Variants in SDCCAG8 observed in about 807,000 individuals in gnomAD.
SDCCAG8 encodes SHH signaling and ciliogenesis regulator SDCCAG8, also known as serologically defined colon cancer antigen 8.
A neutral mutation model predicts 101.8 loss-of-function variants in SDCCAG8; 74 were observed. The observed-to-expected ratio is 0.73, with a 90% CI of 0.60 to 0.88. SDCCAG8 has a LOEUF of 0.88. Among genes scored for constraint, SDCCAG8 ranks in the 40% least tolerant of loss-of-function variants. SDCCAG8 has a pLI of 0.00. For missense variants in SDCCAG8, 787 were observed against 822.6 expected (o/e 0.96, Z 0.53); for synonymous variants, 281 against 292.9 (o/e 0.96, Z 0.41).
Position 243,346,394 on chromosome 1 carries a change from G to A in SDCCAG8, c.1473+2063G>A, listed in dbSNP as rs1381153352. On this transcript the variant is annotated intron_variant, in intron 12 of 17. Coordinates refer to ENST00000366541, the MANE Select transcript of SDCCAG8 (RefSeq NM_006642.5). ...TGTATCTTACAATTCAGCATCACAA[G>A]CAGGCTATCTGTAGGTTTGCAAACA... 2 of 152,862 alleles carry A rather than the reference G, an allele frequency of 1.3e-5. 1 individual carries two copies. The highest frequency in any genetic ancestry group is 3.8e-4 in the East Asian group (2 of 5,202). 9.5% of individuals were successfully genotyped at this position (152,862 alleles called of 1,614,324 possible). A position where few individuals can be genotyped will look rare whatever the true frequency, so the allele number is the denominator to read the frequency against.
intron 16 of SDCCAG8, among the ~76,000 whole-genome samples, chr1:243,478,716 T>C (rs1050121502): frequency 6.6e-6 from 1 of 152,132 alleles, no homozygotes; most frequent in Admixed American, 6.5e-5. Context: ...CCCAGCACTT[T>C]GGGAAGCTGA....
At chr1:243,398,341 G>A (rs1050659675) in intron 13 of SDCCAG8, among the ~76,000 whole-genome samples, 1 of 152,046 alleles carries the variant, frequency 6.6e-6, no homozygotes, top group African/African-American at 2.4e-5. Flanking sequence ...CTCCTGTGCT[G>A]TATATCAAGA....
chr1:243,270,502 C>T (rs759597404), intron 2 of SDCCAG8, among the ~76,000 whole-genome samples: 25 of 152,314 alleles, frequency 1.6e-4, no homozygotes, highest in Non-Finnish European at 7.3e-5. Context: ...CCTGCCTCTT[C>T]GGCTCATCTT....
At chr1:243,396,545 G>C (rs898232607) in intron 13 of SDCCAG8, among the ~76,000 whole-genome samples, 2 of 152,092 alleles carry the variant, frequency 1.3e-5, no homozygotes, top group African/African-American at 4.8e-5. Flanking sequence ...TTCTTAATTG[G>C]AATACTCTCT....
At chr1:243,491,988 G>A (rs1396656463) in intron 17 of SDCCAG8, among the ~76,000 whole-genome samples, 1 of 152,158 alleles carries the variant, frequency 6.6e-6, no homozygotes, top group Non-Finnish European at 1.5e-5. Context: ...CCAAAGCAAA[G>A]TCCACCCCTT....
intron 15 of SDCCAG8, among the ~76,000 whole-genome samples, chr1:243,420,729 C>A (rs1384839827): frequency 3.3e-5 from 5 of 152,176 alleles, no homozygotes; most frequent in Admixed American, 3.3e-4. Context: ...GTGAATAGGA[C>A]AAATTTTGAT....
chr1:243,397,164 A>T (rs1402691867), intron 13 of SDCCAG8, among the ~76,000 whole-genome samples: 1 of 152,206 alleles, frequency 6.6e-6, no homozygotes, highest in Non-Finnish European at 1.5e-5. Flanking sequence ...GGCAGAAAAC[A>T]TTGAAAGGCT....
intron 15 of SDCCAG8, among the ~76,000 whole-genome samples, chr1:243,425,415 G>A (rs1558449741): frequency 6.6e-6 from 1 of 152,056 alleles, no homozygotes; most frequent in Non-Finnish European, 1.5e-5. Context: ...CCTGGTCCTT[G>A]GGATGAACAA....
At chr1:243,431,912 C>A (rs2081801331) in intron 16 of SDCCAG8, among the ~76,000 whole-genome samples, 1 of 152,046 alleles carries the variant, frequency 6.6e-6, no homozygotes, top group Admixed American at 6.6e-5. Flanking sequence ...AAAGTATATC[C>A]ATAAAAACCA....
intron 10 of SDCCAG8, among the ~76,000 whole-genome samples, chr1:243,339,969 C>T (rs1399269680): frequency 6.6e-6 from 1 of 152,128 alleles, no homozygotes; most frequent in Non-Finnish European, 1.5e-5. Flanking sequence ...CATTAAGAGC[C>T]TAGAAGAGTG....
At chr1:243,336,099 A>G (rs951524009) in intron 10 of SDCCAG8, among the ~76,000 whole-genome samples, 3 of 152,242 alleles carry the variant, frequency 2.0e-5, no homozygotes, top group Non-Finnish European at 2.9e-5. Flanking sequence ...TACAATGAAC[A>G]TGTAAGTACA....
In SDCCAG8 at chr1:243,261,388, G is replaced by A. The variant is rs1049978075; in HGVS notation, c.67+5148G>A. The stretch of plus-strand genomic sequence containing the variant: ...GAAATGAGAGTAAGGAGTTGAACCA[G>A]GTACACAGAAAGTGAGAGGATGAAT... On this transcript the variant is annotated intron_variant, in intron 1 of 17. Transcript: ENST00000366541. Among the ~76,000 whole-genome samples, 5 of 152,146 alleles carry A rather than the reference G, an allele frequency of 3.3e-5. No homozygotes were observed. In the South Asian group the frequency reaches 1.0e-3, roughly 31 times the overall value.
chr1:243,466,921 G>A lies in SDCCAG8; in HGVS notation c.1986-22093G>A, dbSNP rs1234843878. 2.0e-5 allele frequency among the ~76,000 whole-genome samples: 3 copies of A among 152,240 alleles called. No individual in the cohort carries two copies. The East Asian group carries it at 5.8e-4, about 29-fold the overall frequency. Reference sequence around the variant, plus strand: ...GATAATTGACAGTGTCTCCCACTGGGGAACCAGGTCTCACTCTGGGTGGAG... The same window carrying A: ...GATAATTGACAGTGTCTCCCACTGGAGAACCAGGTCTCACTCTGGGTGGAG... On this transcript the variant is annotated intron_variant, in intron 16 of 17. Transcript: ENST00000366541.
intron 16 of SDCCAG8, among the ~76,000 whole-genome samples, chr1:243,484,459 ATAAT>A (rs1191541391): frequency 2.6e-5 from 4 of 152,242 alleles, no homozygotes; most frequent in South Asian, 4.1e-4. Flanking sequence ...AAGTGGCATA[ATAAT>A]TAGTTCCTGC....
chr1:243,304,866 C>A, intron 7 of SDCCAG8, 89 bp downstream of exon 7: 1 of 831,398 alleles, frequency 1.2e-6, no homozygotes, highest in South Asian at 1.5e-5. Context: ...TAGTTTTAGT[C>A]ATTATCAGAC....
At chr1:243,296,587 G>T (rs368483192) in intron 6 of SDCCAG8, among the ~76,000 whole-genome samples, 7 of 114,738 alleles carry the variant, frequency 6.1e-5, no homozygotes, top group African/African-American at 2.4e-4. Flanking sequence ...CTGTCGCCCA[G>T]GCGGGAGTGC....
At chr1:243,471,810 T>C (rs796226486) in intron 16 of SDCCAG8, among the ~76,000 whole-genome samples, 7 of 152,308 alleles carry the variant, frequency 4.6e-5, no homozygotes, top group African/African-American at 1.7e-4. Context: ...TTCATACTAG[T>C]GAAAGCATTG....
At position 243,270,219 on chromosome 1, in the gene SDCCAG8, C is replaced by T. The variant is rs1466620787; in HGVS notation, c.182C>T (p.Ala61Val). The T allele has an allele frequency of 6.2e-7, 1 of 1,614,120 alleles. No homozygotes were observed. Among genetic ancestry groups the T allele is most frequent in the Admixed American group, 1.7e-5 (1 of 60,010 alleles). ...AGCACCAGTGTGGGAAATGAGGACG[C>T]CAGGACAGCCTGGCCCGAATTACAA... ...SFSTSVGNEDARTAWPELQQS... is the reference protein window; with the variant it reads ...SFSTSVGNEDVRTAWPELQQS... Residue 61 changes from alanine to valine, a missense_variant, in exon 2 of 18, where the codon GCC (alanine) becomes GTC (valine). Physicochemically the swap from Ala to Val is moderately conservative, Grantham distance 64. Transcript: ENST00000366541.
intron 12 of SDCCAG8, among the ~76,000 whole-genome samples, chr1:243,350,964 A>C (rs1037829248): frequency 9.2e-5 from 14 of 152,186 alleles, no homozygotes; most frequent in Non-Finnish European, 2.9e-5. Flanking sequence ...TTCTACTTGA[A>C]ACCTAGCACT....
Sources: allele counts gnomAD v4.1 joint callset (sites outside exome capture counted in the v4.1 genomes callset), GRCh38; gene constraint gnomAD v4.1.1; transcripts MANE v1.5; gene names NCBI Gene and HGNC (gene_info 2026-07-23, HGNC 2026-07-21).